Variants in RGS3 observed in about 807,000 individuals in gnomAD.
RGS3 encodes the protein regulator of G-protein signalling 3.
A neutral mutation model predicts 132.6 loss-of-function variants in RGS3; 80 were observed. That is an observed-to-expected ratio of 0.60 (90% CI 0.50 to 0.73). RGS3 has a LOEUF of 0.73. Ranked by LOEUF, RGS3 falls within the 30% of genes least tolerant of loss-of-function variation. The probability of loss-of-function intolerance (pLI) is 0.00; values close to 1 mark genes in which losing one functional copy is unlikely to be tolerated. For synonymous variants in RGS3, 598 were observed against 620.6 expected (o/e 0.96, Z 0.54); for missense variants, 1,382 against 1,530.8 (o/e 0.90, Z 1.62).
chr9:113,461,988 T>C (rs774061864), intron 2 of RGS3: 1 of 1,608,072 alleles, frequency 6.2e-7, no homozygotes, highest in East Asian at 2.2e-5. Flanking sequence ...CTTCAGGCCA[T>C]GGCTAACTCA....
chr9:113,564,939 G>A (rs764449951), intron 19 of RGS3: 7 of 995,554 alleles, frequency 7.0e-6, no homozygotes, highest in South Asian at 4.3e-5. Flanking sequence ...TCGGTGCCTC[G>A]GTGATTGGCT....
At chr9:113,560,466 G>A (rs141821393) in intron 19 of RGS3, among the ~76,000 whole-genome samples, 1 of 152,304 alleles carries the variant, frequency 6.6e-6, no homozygotes, top group East Asian at 1.9e-4. Context: ...GGGTCCTAGA[G>A]GCCAAAACAC....
intron 7 of RGS3, among the ~76,000 whole-genome samples, chr9:113,494,908 C>G (rs1270845142): frequency 6.6e-6 from 1 of 152,032 alleles, no homozygotes; most frequent in Admixed American, 6.6e-5. Flanking sequence ...GGAGTCTTGG[C>G]TCTGTCACCC....
exon 24 of RGS3, chr9:113,595,705 G>A (rs1226619607): frequency 1.2e-6 from 2 of 1,614,054 alleles, no homozygotes; most frequent in Non-Finnish European, 1.7e-6. Context: ...CACAGTCCAA[G>A]ATGGCATCCA....
intron 3 of RGS3, among the ~76,000 whole-genome samples, chr9:113,466,029 T>C (rs186214931): frequency 5.3e-5 from 8 of 152,276 alleles, no homozygotes; most frequent in African/African-American, 1.4e-4. Flanking sequence ...ATCAGAAGCA[T>C]GTGGGGAGCC....
chr9:113,527,767 G>A (rs1832279790), intron 17 of RGS3, among the ~76,000 whole-genome samples: 1 of 152,190 alleles, frequency 6.6e-6, no homozygotes. Context: ...TTGACCCACA[G>A]TCTCTATTTT....
Position 113,472,555 on chromosome 9 carries a change from G to A in RGS3, c.416-6936G>A, listed in dbSNP as rs554347263. ...GCGTTGTGTGATTCTGTTTACATAAGTATCCAGAATAGGCAAGTCCTTAGA... is the reference window on the plus strand; with the variant it reads ...GCGTTGTGTGATTCTGTTTACATAAATATCCAGAATAGGCAAGTCCTTAGA... On this transcript the variant is annotated intron_variant, in intron 3 of 24. Coordinates refer to ENST00000350696, the Ensembl canonical transcript of RGS3. 7.2e-5 allele frequency among the ~76,000 whole-genome samples: 11 copies of A among 152,274 alleles called. No individual in the cohort carries two copies. The East Asian group carries it at 2.1e-3, about 29-fold the overall frequency.
intron 20 of RGS3, chr9:113,588,973 A>G (rs911052292): frequency 5.9e-5 from 9 of 152,282 alleles, no homozygotes; most frequent in Non-Finnish European, 1.2e-4. Context: ...TTATAATTAC[A>G]GTAAGAATTA....
intron 19 of RGS3, among the ~76,000 whole-genome samples, chr9:113,552,618 A>G (rs1833387856): frequency 1.3e-5 from 2 of 152,136 alleles, no homozygotes; most frequent in Non-Finnish European, 2.9e-5. Context: ...TGTACTTTTT[A>G]ATTGTAGCTT....
intron 13 of RGS3, 101 bp from the exon 12 acceptor site, chr9:113,508,440 G>A: frequency 1.7e-6 from 2 of 1,192,410 alleles, no homozygotes; most frequent in Non-Finnish European, 2.5e-6. Flanking sequence ...GCCCTGAGGT[G>A]CTCCACTTCC....
At chr9:113,453,090 A>C (rs946365228) in intron 1 of RGS3, among the ~76,000 whole-genome samples, 79 of 135,440 alleles carry the variant, frequency 5.8e-4, no homozygotes, top group Non-Finnish European at 9.9e-4. Context: ...TAATATAGAA[A>C]TATATTTTAT....
chr9:113,596,712 C>A, intron 24 of RGS3, 56 bp from the exon 23 acceptor site: 1 of 1,498,320 alleles, frequency 6.7e-7, no homozygotes, highest in Non-Finnish European at 9.1e-7. Flanking sequence ...GGCACATGGG[C>A]CCTAGGGTCA....
intron 19 of RGS3, among the ~76,000 whole-genome samples, chr9:113,580,271 C>T (rs959186751): frequency 1.3e-5 from 2 of 152,046 alleles, no homozygotes; most frequent in African/African-American, 4.8e-5. Flanking sequence ...TCCCCAAACA[C>T]TTGTGTGTAA....
In RGS3 at chr9:113,463,640, C is replaced by A; in HGVS notation, c.415+1439C>A. ...GCAGGTGGAACTCTCCCCATTCAAA[C>A]CCGCGCGGGCCAATCAGGGCCGGGC... On this transcript the variant is annotated intron_variant, in intron 3 of 24. Transcript: ENST00000350696. The surrounding 1 kb of genome is among the most constrained non-coding windows in gnomAD (Gnocchi z 4.6). 1.6e-6 allele frequency: 2 copies of A among 1,271,218 alleles called. No individual in the cohort carries two copies. Among genetic ancestry groups the A allele is most frequent in the Non-Finnish European group, 2.0e-6 (2 of 994,360 alleles). The allele number at this position is 1,271,218 out of a possible 1,614,324, so 78.7% of individuals were successfully genotyped here.
intron 4 of RGS3, among the ~76,000 whole-genome samples, chr9:113,479,929 C>A (rs1303953098): frequency 6.6e-6 from 1 of 152,122 alleles, no homozygotes; most frequent in Non-Finnish European, 1.5e-5. Flanking sequence ...GGTTGACAGG[C>A]AGCATAGTAT....
chr9:113,505,187 T>C (rs1183175444), intron 10 of RGS3: 1 of 521,610 alleles, frequency 1.9e-6, no homozygotes, highest in Non-Finnish European at 3.5e-6. Context: ...CAAGACCTTG[T>C]CCATCCCAGG....
chr9:113,571,286 CAT>C (rs1379958317), intron 19 of RGS3, among the ~76,000 whole-genome samples: 2 of 152,216 alleles, frequency 1.3e-5, no homozygotes, highest in African/African-American at 4.8e-5. Context: ...ATTGCTGAGT[CAT>C]AGAGTTGTAG....
rs570641738 is a variant in RGS3 at position 113,497,144 on chromosome 9, G to A, written c.751-170G>A. ...GAGCCAGATCTGCCCTGAGCATCAC[G>A]GAAGGCTTCCTGGAGGTGCAGGCAT... On this transcript the variant is annotated intron_variant, in intron 8 of 24. Transcript: ENST00000350696. Among the ~76,000 whole-genome samples, 6 of 152,298 alleles carry A rather than the reference G, an allele frequency of 3.9e-5. No individual in the cohort carries two copies. The East Asian group carries it at 7.7e-4, about 20-fold the overall frequency.
chr9:113,579,362 T>C lies in RGS3; in HGVS notation c.2038-4088T>C, dbSNP rs1834682414. ...TCCTTAGCCTATTCTGAGCTCTGGA[T>C]TGGATTTGGGAGAGGATTTGATTAG... On this transcript the variant is annotated intron_variant, in intron 19 of 24. Coordinates refer to ENST00000350696, the Ensembl canonical transcript of RGS3. This position sits in a 1 kb window ranked among gnomAD's most constrained non-coding sequence, Gnocchi z 4.3. Among the ~76,000 whole-genome samples, 1 of 152,120 alleles carries C rather than the reference T, an allele frequency of 6.6e-6. No individual in the cohort carries two copies. The highest frequency in any genetic ancestry group is 1.5e-5 in the Non-Finnish European group (1 of 68,008).
Sources: gnomAD v4.1 joint callset for allele counts (sites outside exome capture counted in the v4.1 genomes callset) on GRCh38, gnomAD v4.1.1 for gene constraint, Gnocchi (gnomAD v3.1) non-coding constraint, MANE v1.5 for transcripts, NCBI Gene and HGNC (gene_info 2026-07-23, HGNC 2026-07-21) for gene names.